MREG: variants seen among roughly 807,000 people sequenced by gnomAD.
MREG encodes dilute suppressor protein homolog.
MREG carries 31 observed loss-of-function variants against 28.5 expected under a neutral mutation model. The observed-to-expected ratio is 1.09, with a 90% CI of 0.82 to 1.47. The LOEUF is 1.47. Ranked by LOEUF, MREG falls within the 40% of genes most tolerant of loss-of-function variation. The pLI, the probability that MREG is intolerant of heterozygous loss-of-function variation, is 0.00. For synonymous variants in MREG, 106 were observed against 95.2 expected, an observed-to-expected ratio of 1.11 and a Z score of -0.66; for missense variants, 256 against 257.4, an observed-to-expected ratio of 0.99 and a Z score of 0.04.
At chr2:215,945,816 C>G (rs368940127) in intron 3 of MREG, 82 bp from the exon 4 acceptor site, 1 of 1,206,056 alleles carries the variant, frequency 8.3e-7, no homozygotes, top group Non-Finnish European at 1.2e-6. Flanking sequence ...CAGGAGATTA[C>G]GAACAGACCC....
intron 1 of MREG, among the ~76,000 whole-genome samples, chr2:216,006,999 T>C (rs2106029128): frequency 6.6e-6 from 1 of 152,306 alleles, no homozygotes; most frequent in Non-Finnish European, 1.5e-5. Context: ...GCTAGTTCCA[T>C]ACCTCTCTGC....
intron 2 of MREG, among the ~76,000 whole-genome samples, chr2:215,970,899 T>C (rs1213620574): frequency 2.0e-5 from 3 of 152,130 alleles, no homozygotes; most frequent in Admixed American, 1.3e-4. Context: ...CCATCAATGA[T>C]AGACTGGATA....
chr2:215,992,481 AG>A (rs2106012297), intron 2 of MREG, among the ~76,000 whole-genome samples: 1 of 152,350 alleles, frequency 6.6e-6, no homozygotes, highest in South Asian at 2.1e-4. Context: ...AAAAGCTGGA[AG>A]CATTCCCTTT....
chr2:215,979,254 G>A (rs1462969517), intron 2 of MREG, among the ~76,000 whole-genome samples: 3 of 151,882 alleles, frequency 2.0e-5, no homozygotes, highest in Non-Finnish European at 2.9e-5. Context: ...ATCTGAGGTC[G>A]GAAGTTCAAG....
At chr2:216,000,938 G>A (rs775349782) in intron 1 of MREG, among the ~76,000 whole-genome samples, 40 of 152,110 alleles carry the variant, frequency 2.6e-4, no homozygotes, top group Non-Finnish European at 4.3e-4. Flanking sequence ...TTAAAATGAC[G>A]ATCTCAGCTG....
At chr2:216,018,698 G>C (rs1193220285) in intron 1 of MREG, among the ~76,000 whole-genome samples, 1 of 152,246 alleles carries the variant, frequency 6.6e-6, no homozygotes, top group East Asian at 1.9e-4. Flanking sequence ...ACATTAGGGA[G>C]TGGCATGACT....
chr2:215,980,843 AGGAGGGGAGG>A (rs1242675882), intron 2 of MREG, among the ~76,000 whole-genome samples: 3 of 77,106 alleles, frequency 3.9e-5, no homozygotes, highest in South Asian at 4.8e-4. Context: ...AGAAGCAGAG[AGGAGGGGAGG>A]GGAGGGGAGG....
chr2:215,998,467 T>C (rs1693932238), intron 1 of MREG, among the ~76,000 whole-genome samples: 1 of 152,086 alleles, frequency 6.6e-6, no homozygotes, highest in Non-Finnish European at 1.5e-5. Context: ...GACTGAATAT[T>C]GAACAGTGCT....
At chr2:215,986,439 G>T (rs1574628798) in intron 2 of MREG, among the ~76,000 whole-genome samples, 2 of 152,112 alleles carry the variant, frequency 1.3e-5, no homozygotes, top group Admixed American at 6.5e-5. Flanking sequence ...AAGGGCAGGG[G>T]GTACCCACTT....
intron 1 of MREG, among the ~76,000 whole-genome samples, chr2:216,008,506 G>A (rs1215957219): frequency 6.6e-6 from 1 of 152,218 alleles, no homozygotes; most frequent in Non-Finnish European, 1.5e-5. Flanking sequence ...CATATAATGA[G>A]CTTCCAAATC....
intron 2 of MREG, among the ~76,000 whole-genome samples, chr2:215,970,080 A>T (rs1025416927): frequency 2.0e-5 from 3 of 152,328 alleles, no homozygotes; most frequent in African/African-American, 7.2e-5. Context: ...CCTAAGCCCC[A>T]GTACCTCAGA....
chr2:216,013,815 C>T (rs1694383140), upstream of MREG, among the ~76,000 whole-genome samples: 1 of 152,122 alleles, frequency 6.6e-6, no homozygotes, highest in Non-Finnish European at 1.5e-5. Flanking sequence ...CCTCCCCCAC[C>T]CCTACAGGCC....
chr2:215,974,825 G>GACACACACACACACAC (rs71982102), intron 2 of MREG, among the ~76,000 whole-genome samples: 4 of 126,686 alleles, frequency 3.2e-5, no homozygotes, highest in East Asian at 2.4e-4. Context: ...CACACACACA[G>GACACACACACACACAC]ACACACACAC....
At chr2:215,952,863 C>T (rs553632484) in intron 2 of MREG, among the ~76,000 whole-genome samples, 16 of 152,068 alleles carry the variant, frequency 1.1e-4, no homozygotes, top group Non-Finnish European at 2.1e-4. Flanking sequence ...TCCAAGAATA[C>T]GCTTATACTT....
chr2:215,949,767 T>C (rs944378483), intron 2 of MREG, among the ~76,000 whole-genome samples: 6 of 152,240 alleles, frequency 3.9e-5, no homozygotes, highest in African/African-American at 1.4e-4. Flanking sequence ...CATTTCCACT[T>C]GTGCCTGAAA....
At chr2:215,975,008 T>TTATATATATATATATATATATA (rs58937716) in intron 2 of MREG, among the ~76,000 whole-genome samples, 7,315 of 105,334 alleles carry the variant, frequency 0.069, 644 homozygotes, top group East Asian at 0.091. Context: ...TTTATATGAA[T>TTATATATATATATATATATATA]TATATATATA....
intron 2 of MREG, among the ~76,000 whole-genome samples, chr2:215,984,518 C>CAAAAAAAAAAAAAAAAAAAAA (rs375220091): frequency 1.5e-5 from 1 of 68,064 alleles, no homozygotes; most frequent in African/African-American, 6.9e-5. Flanking sequence ...ACCTTGTCAC[C>CAAAAAAAAAAAAAAAAAAAAA]AAAAAAAAAA....
At chr2:215,980,910 C>CAGGGA (rs368756670) in intron 2 of MREG, among the ~76,000 whole-genome samples, 154 of 139,074 alleles carry the variant, frequency 1.1e-3, no homozygotes, top group African/African-American at 3.1e-3. Context: ...CAGGGAAGGG[C>CAGGGA]AGGGAAGGGA....
At chr2:215,992,694 C>G (rs2106012497) in intron 2 of MREG, among the ~76,000 whole-genome samples, 1 of 152,320 alleles carries the variant, frequency 6.6e-6, no homozygotes, top group Admixed American at 6.5e-5. Flanking sequence ...TCTCCTTAAG[C>G]TGATAAGCAA....
Sources: gnomAD v4.1 joint callset for allele counts (sites outside exome capture counted in the v4.1 genomes callset) on GRCh38, gnomAD v4.1.1 for gene constraint, MANE v1.5 for transcripts, NCBI Gene and HGNC (gene_info 2026-07-23, HGNC 2026-07-21) for gene names.